CNOT4: variants seen among roughly 807,000 people sequenced by gnomAD.
CNOT4 encodes the protein CCR4-NOT transcription complex subunit 4, also known as CCR4-associated factor 4.
Under a neutral mutation model 73.8 loss-of-function variants are expected in CNOT4, and 8 were observed. The observed-to-expected ratio is 0.11, with a 90% CI of 0.06 to 0.20. The LOEUF is 0.20. Ranked by LOEUF, CNOT4 falls within the 10% of genes least tolerant of loss-of-function variation. CNOT4 has a pLI of 1.00. For missense variants in CNOT4, 564 were observed against 883.4 expected, an observed-to-expected ratio of 0.64 and a Z score of 4.58; for synonymous variants, 293 against 321.1, an observed-to-expected ratio of 0.91 and a Z score of 0.94.
At position 135,503,294 on chromosome 7, in the gene CNOT4, A is replaced by G. The variant is rs192902123; in HGVS notation, c.-93+6595T>C. Among the ~76,000 whole-genome samples the G allele has an allele frequency of 5.9e-4, 89 of 151,838 alleles. 1 individual carries two copies. The highest frequency in any genetic ancestry group is 1.6e-3 in the Admixed American group (25 of 15,222). ...ACCCTGGGCAACAGGGTGAGCCCCCATTTCCACAAAAAATAAGAAAATTAG... is the reference window on the plus strand; with the variant it reads ...ACCCTGGGCAACAGGGTGAGCCCCCGTTTCCACAAAAAATAAGAAAATTAG... On this transcript the variant is annotated intron_variant, in intron 1 of 11. Transcript: ENST00000541284.
intron 1 of CNOT4, among the ~76,000 whole-genome samples, chr7:135,464,528 A>C (rs1033979960): frequency 2.6e-5 from 4 of 152,142 alleles, no homozygotes; most frequent in Non-Finnish European, 5.9e-5. Flanking sequence ...ACATGGCTCT[A>C]CTTGAGGGGG....
intron 1 of CNOT4, among the ~76,000 whole-genome samples, chr7:135,446,286 A>G (rs983314321): frequency 6.6e-6 from 1 of 152,170 alleles, no homozygotes; most frequent in Admixed American, 6.5e-5. Context: ...GTTATTACTT[A>G]ATTTAACAGA....
At chr7:135,460,458 G>A (rs1800809314) in intron 1 of CNOT4, among the ~76,000 whole-genome samples, 1 of 152,104 alleles carries the variant, frequency 6.6e-6, no homozygotes, top group African/African-American at 2.4e-5. Flanking sequence ...GTGTTTCAGG[G>A]AGTAACGAGG....
intron 7 of CNOT4, among the ~76,000 whole-genome samples, chr7:135,401,792 T>C: frequency 6.6e-6 from 1 of 152,002 alleles, no homozygotes; most frequent in Non-Finnish European, 1.5e-5. Context: ...AGGCTAGGAG[T>C]TGAGAAGACT....
chr7:135,476,962 A>G (rs1802030532), intron 1 of CNOT4, among the ~76,000 whole-genome samples: 2 of 152,190 alleles, frequency 1.3e-5, no homozygotes, highest in Non-Finnish European at 2.9e-5. Flanking sequence ...ACATTAAAGC[A>G]AACTTTTACC....
intron 7 of CNOT4, among the ~76,000 whole-genome samples, chr7:135,404,019 C>T (rs1055602790): frequency 1.1e-4 from 17 of 152,172 alleles, no homozygotes; most frequent in Admixed American, 3.9e-4. Context: ...CATCCCACCC[C>T]ACCCTCTGGA....
chr7:135,501,042 G>A (rs532455848), intron 1 of CNOT4, among the ~76,000 whole-genome samples: 5 of 147,804 alleles, frequency 3.4e-5, no homozygotes, highest in Non-Finnish European at 7.4e-5. Flanking sequence ...GGAGTGCAGT[G>A]GTGCCATCTT....
chr7:135,458,853 C>G (rs555669854), intron 1 of CNOT4, among the ~76,000 whole-genome samples: 9 of 152,102 alleles, frequency 5.9e-5, no homozygotes, highest in African/African-American at 2.2e-4. Flanking sequence ...CTCTCAAAGT[C>G]ATCCATGAGA....
intron 1 of CNOT4, among the ~76,000 whole-genome samples, chr7:135,461,709 A>G (rs1036212719): frequency 6.6e-6 from 1 of 152,088 alleles, no homozygotes; most frequent in African/African-American, 2.4e-5. Context: ...GTGCACCCCT[A>G]TAATTATGGC....
At chr7:135,437,245 T>C (rs970353780) in intron 2 of CNOT4, among the ~76,000 whole-genome samples, 1 of 152,102 alleles carries the variant, frequency 6.6e-6, no homozygotes, top group Non-Finnish European at 1.5e-5. Context: ...GCTGGAGTGC[T>C]GTGGCACGAT....
chr7:135,436,963 T>C (rs961301694), intron 2 of CNOT4, among the ~76,000 whole-genome samples: 14 of 152,112 alleles, frequency 9.2e-5, no homozygotes, highest in African/African-American at 2.7e-4. Flanking sequence ...AAGTTTAAAT[T>C]ATACAAACAT....
intron 1 of CNOT4, among the ~76,000 whole-genome samples, chr7:135,473,347 T>C (rs765595809): frequency 2.0e-5 from 3 of 152,162 alleles, no homozygotes; most frequent in Non-Finnish European, 4.4e-5. Context: ...GCTACCCTAA[T>C]AATTTTTGGC....
At chr7:135,479,501 G>A (rs562065861) in intron 1 of CNOT4, among the ~76,000 whole-genome samples, 266 of 151,796 alleles carry the variant, frequency 1.8e-3, no homozygotes, top group Non-Finnish European at 3.1e-3. Flanking sequence ...GAGCCACCGC[G>A]CCCATCCAGA....
At position 135,485,776 on chromosome 7, in the gene CNOT4, C is replaced by T. The variant is rs146453925; in HGVS notation, c.-93+24113G>A. On this transcript the variant is annotated intron_variant, in intron 1 of 11. Transcript: ENST00000541284. ...CTAAACCACTTACTTTATACAAAAA[C>T]TAGATCCAAATGTTATCACACACTT... Among the ~76,000 whole-genome samples, 325 of 152,254 alleles carry T rather than the reference C, an allele frequency of 2.1e-3. 1 individual carries two copies. The highest frequency in any genetic ancestry group is 7.0e-3 in the African/African-American group (291 of 41,522).
intron 1 of CNOT4, among the ~76,000 whole-genome samples, chr7:135,448,656 T>C (rs887278248): frequency 6.6e-6 from 1 of 152,168 alleles, no homozygotes; most frequent in Non-Finnish European, 1.5e-5. Flanking sequence ...TTAACCAACT[T>C]CAAAATGCCA....
At chr7:135,389,662 G>T (rs920914707) in intron 10 of CNOT4, among the ~76,000 whole-genome samples, 5 of 151,724 alleles carry the variant, frequency 3.3e-5, no homozygotes, top group African/African-American at 1.2e-4. Flanking sequence ...CCTCTCAAAA[G>T]TAAAGTTTAA....
chr7:135,414,991 T>A (rs542076235), intron 4 of CNOT4, among the ~76,000 whole-genome samples, 185 bp downstream of exon 4: 16 of 152,134 alleles, frequency 1.1e-4, no homozygotes, highest in African/African-American at 3.9e-4. Context: ...CCCTCTTAAT[T>A]GTTAAGTCCT....
chr7:135,466,525 T>A (rs1425626306), intron 1 of CNOT4, among the ~76,000 whole-genome samples: 2 of 150,618 alleles, frequency 1.3e-5, no homozygotes, highest in African/African-American at 4.9e-5. Context: ...AGCAGCAAGC[T>A]AAGGTTAATT....
At chr7:135,459,147 G>C (rs1800722694) in intron 1 of CNOT4, among the ~76,000 whole-genome samples, 1 of 152,012 alleles carries the variant, frequency 6.6e-6, no homozygotes, top group Non-Finnish European at 1.5e-5. Context: ...TAATCTCCTT[G>C]TACATCTCCA....
Sources: allele counts gnomAD v4.1 joint callset (sites outside exome capture counted in the v4.1 genomes callset), GRCh38; gene constraint gnomAD v4.1.1; transcripts MANE v1.5; gene names NCBI Gene and HGNC (gene_info 2026-07-23, HGNC 2026-07-21).